Variants in ZNF554 observed in about 807,000 individuals in gnomAD.
ZNF554 encodes zinc finger protein 554.
A neutral mutation model predicts 21.2 loss-of-function variants in ZNF554; 15 were observed. The ratio of observed to expected loss-of-function variants is 0.71; its 90% CI spans 0.47 to 1.09. The LOEUF (loss-of-function observed/expected upper bound fraction) is 1.09, where lower values mean the gene tolerates loss of function less well. Among genes scored for constraint, ZNF554 ranks in the 50% least tolerant of loss-of-function variants. ZNF554 has a pLI of 0.00. For synonymous variants in ZNF554, 258 were observed against 251.4 expected (o/e 1.03, Z -0.25); for missense variants, 691 against 662.7 (o/e 1.04, Z -0.47).
chr19:2,833,357 CAG>C (rs559649743), intron 4 of ZNF554: 20 of 185,586 alleles, frequency 1.1e-4, no homozygotes, highest in Non-Finnish European at 2.1e-4. Flanking sequence ...CTCCTGACCT[CAG>C]GTGATCCACC....
At chr19:2,824,698 TTGA>T (rs1476010795) in intron 2 of ZNF554, among the ~76,000 whole-genome samples, 1 of 152,234 alleles carries the variant, frequency 6.6e-6, no homozygotes, top group Non-Finnish European at 1.5e-5. Context: ...ATCTTAGCCG[TTGA>T]TGAAACACAT....
At chr19:2,825,588 T>C (rs554957191) in intron 2 of ZNF554, among the ~76,000 whole-genome samples, 3 of 152,246 alleles carry the variant, frequency 2.0e-5, no homozygotes, top group East Asian at 3.9e-4. Flanking sequence ...TGGAGTGGGA[T>C]TTTTAAAATA....
At chr19:2,824,268 G>C (rs553092593) in intron 2 of ZNF554, among the ~76,000 whole-genome samples, 1 of 152,194 alleles carries the variant, frequency 6.6e-6, no homozygotes. Flanking sequence ...GCGAGGCCCA[G>C]GTCTGCAGCT....
rs2087268806 is a variant in ZNF554, at chr19:2,821,870, G to T, written c.54-1170G>T. 1.3e-5 allele frequency among the ~76,000 whole-genome samples: 2 copies of T among 151,430 alleles called. No individual in the cohort carries two copies. On this transcript the variant is annotated intron_variant, in intron 1 of 4. Coordinates refer to ENST00000317243, the MANE Select transcript of ZNF554 (RefSeq NM_001102651.2). The surrounding 1 kb of genome is among the most constrained non-coding windows in gnomAD (Gnocchi z 8.2). ...GTAGAGACGGGGGTTTTGCCATGTT[G>T]GCCAGGCTGGTCTCGAACTCCTGAC... is the stretch of plus-strand genomic sequence containing the variant.
At chr19:2,831,789 G>T (rs368052171) in intron 3 of ZNF554, 1,691 of 149,834 alleles carry the variant, frequency 0.011, 31 homozygotes, top group African/African-American at 0.04. Context: ...TTTGTTTTTG[G>T]TTTTTTTTTG....
intron 4 of ZNF554, chr19:2,833,285 C>T (rs768060108): frequency 4.3e-5 from 7 of 161,136 alleles, no homozygotes; most frequent in East Asian, 1.8e-4. Context: ...TGTGCCACCA[C>T]GCCTAGCTAA....
chr19:2,829,228 A>G (rs1445574154), intron 3 of ZNF554, among the ~76,000 whole-genome samples: 1 of 152,070 alleles, frequency 6.6e-6, no homozygotes, highest in Non-Finnish European at 1.5e-5. Context: ...GCATGGTGAT[A>G]GACGTCTGTA....
Position 2,832,425 on chromosome 19 carries a change from T to G in ZNF554, c.376T>G (p.Ser126Ala). Residue 126 changes from serine to alanine, a missense_variant, in exon 4 of 5, where the codon TCT becomes GCT. Coordinates refer to ENST00000317243, the MANE Select transcript of ZNF554 (RefSeq NM_001102651.2). The stretch of plus-strand genomic sequence containing the variant: ...GTATTTACTTTTTCAACCAGTGGCT[T>G]CTTCCCACTTGGAGCAAAGAGAAGC... ...TGYLLFQPVA[S>A]SHLEQREALW... is the part of the protein sequence containing the mutation. 6.2e-7 allele frequency: 1 copy of G among 1,614,154 alleles called. No individual in the cohort carries two copies. The highest frequency in any genetic ancestry group is 8.5e-7 in the Non-Finnish European group (1 of 1,180,016).
rs1271385433 is a variant in ZNF554, at chr19:2,821,418, C to T, written c.53+1294C>T. On this transcript the variant is annotated intron_variant, in intron 1 of 4. Transcript: ENST00000317243. The surrounding 1 kb of genome is among the most constrained non-coding windows in gnomAD (Gnocchi z 8.2). ...CTCCTGGAGCTGCTGTGACAATGCA[C>T]CACAAACCAGGGGGCAGGGGGAGGC... Among the ~76,000 whole-genome samples, 2 of 151,958 alleles carry T rather than the reference C, an allele frequency of 1.3e-5. No individual in the cohort carries two copies. The highest frequency in any genetic ancestry group is 2.9e-5 in the Non-Finnish European group (2 of 68,034).
intron 2 of ZNF554, among the ~76,000 whole-genome samples, chr19:2,825,000 G>GTTTTTTTTTT (rs1568332468): frequency 8.7e-6 from 1 of 114,914 alleles, no homozygotes. Context: ...CGTGATTGCA[G>GTTTTTTTTTT]TTGTTTTTTT....
intron 4 of ZNF554, 91 bp downstream of exon 4, chr19:2,832,585 AAGG>A: frequency 7.5e-7 from 1 of 1,334,276 alleles, no homozygotes; most frequent in East Asian, 2.4e-5. Flanking sequence ...CTGATTCTGT[AAGG>A]AGAATGCCAA....
intron 4 of ZNF554, 59 bp from the exon 5 acceptor site, chr19:2,833,622 G>A: frequency 4.2e-6 from 6 of 1,437,256 alleles, no homozygotes; most frequent in South Asian, 2.9e-5. Flanking sequence ...CTGTCCCGCT[G>A]GTTTTCAAGT....
chr19:2,825,781 A>G (rs2087323830), intron 2 of ZNF554, among the ~76,000 whole-genome samples: 1 of 152,044 alleles, frequency 6.6e-6, no homozygotes, highest in African/African-American at 2.4e-5. Context: ...AGGTGAAGGC[A>G]TAAGACAGGG....
At chr19:2,822,051 T>A (rs1033997559) in intron 1 of ZNF554, among the ~76,000 whole-genome samples, 2 of 151,862 alleles carry the variant, frequency 1.3e-5, no homozygotes, top group African/African-American at 4.8e-5. Context: ...TTTCTTCTTT[T>A]CCTTATCTTT....
intron 1 of ZNF554, 64 bp downstream of exon 1, chr19:2,820,188 TGGGTCTGGCGGGGCC>T (rs1196470211): frequency 8.3e-7 from 1 of 1,203,122 alleles, no homozygotes; most frequent in East Asian, 3.3e-5. Context: ...CTGGTGGGGC[TGGGTCTGGCGGGGCC>T]GGGTGGCCGG....
In ZNF554 at chr19:2,834,641, G is replaced by A; in HGVS notation, c.1406G>A (p.Cys469Tyr). The A allele has an allele frequency of 6.2e-7, 1 of 1,614,138 alleles. No individual in the cohort carries two copies. The highest frequency in any genetic ancestry group is 1.1e-5 in the South Asian group (1 of 91,082). The change falls in exon 5 of 5, where the codon TGT becomes TAT. Residue 469 changes from cysteine to tyrosine, a missense_variant. Cys to Tyr is a radical substitution (Grantham distance 194). Coordinates refer to ENST00000317243, the MANE Select transcript of ZNF554 (RefSeq NM_001102651.2). ...TGENPYECKQCGRAFSQRSSL... is the reference protein window; with the variant it reads ...TGENPYECKQYGRAFSQRSSL... Reference sequence around the variant, plus strand: ...GAGAACCCCTATGAATGTAAGCAGTGTGGGAGAGCCTTCAGCCAGAGGTCT... The same window carrying A: ...GAGAACCCCTATGAATGTAAGCAGTATGGGAGAGCCTTCAGCCAGAGGTCT...
intron 1 of ZNF554, among the ~76,000 whole-genome samples, chr19:2,822,493 A>C (rs2087276948): frequency 6.6e-6 from 1 of 152,136 alleles, no homozygotes; most frequent in African/African-American, 2.4e-5. Flanking sequence ...AAATGCATGG[A>C]GCGCTTCACT....
At chr19:2,827,857 AAG>A in intron 3 of ZNF554, 114 bp downstream of exon 3, 1 of 1,353,464 alleles carries the variant, frequency 7.4e-7, no homozygotes, top group South Asian at 1.3e-5. Flanking sequence ...TTGTAAAGGA[AAG>A]GGGGTTTAAT....
In ZNF554 at chr19:2,820,114, G is replaced by A. The variant is rs531204076; in HGVS notation, c.43G>A (p.Ala15Thr). 7.4e-6 allele frequency: 9 copies of A among 1,220,690 alleles called. No individual in the cohort carries two copies. In the South Asian group the frequency reaches 1.6e-4, roughly 21 times the overall value. 75.6% of individuals were successfully genotyped at this position (1,220,690 alleles called of 1,614,324 possible). The change falls in exon 1 of 5, where the codon GCA becomes ACA. Residue 15 changes from alanine to threonine, a missense_variant. Physicochemically the swap from Ala to Thr is moderately conservative, Grantham distance 58. Coordinates refer to ENST00000317243, the MANE Select transcript of ZNF554 (RefSeq NM_001102651.2). ...CCTGGGCCGGCGCGCGCGGCTCCCG[G>A]CAGCTCAGCCGTAAGTGCCGCCGCC... The part of the protein sequence containing the change: ...AHLGRRARLP[A>T]AQPSACPGTC...
Sources: gnomAD v4.1 joint callset for allele counts (sites outside exome capture counted in the v4.1 genomes callset) on GRCh38, gnomAD v4.1.1 for gene constraint, Gnocchi (gnomAD v3.1) non-coding constraint, MANE v1.5 for transcripts, NCBI Gene and HGNC (gene_info 2026-07-23, HGNC 2026-07-21) for gene names.